TP63: variants seen among roughly 807,000 people sequenced by gnomAD.
TP63 encodes tumor protein p63, also known as tumor protein 63.
A neutral mutation model predicts 82.8 loss-of-function variants in TP63; 17 were observed. The ratio of observed to expected loss-of-function variants is 0.21; its 90% confidence interval spans 0.14 to 0.31. The LOEUF is 0.31. Ranked by LOEUF, TP63 falls within the 10% of genes least tolerant of loss-of-function variation. TP63 has a pLI of 1.00. For synonymous variants in TP63, 330 were observed against 321.7 expected (o/e 1.03, Z -0.28); for missense variants, 648 against 895.3 (o/e 0.72, Z 3.52).
At chr3:189,726,427 C>T (rs1391001086) in intron 1 of TP63, among the ~76,000 whole-genome samples, 2 of 152,146 alleles carry the variant, frequency 1.3e-5, no homozygotes, top group Admixed American at 6.5e-5. Flanking sequence ...CAATATGATA[C>T]ATAATTCATC....
rs1346387538 is a variant in TP63 at position 189,679,585 on chromosome 3, C to G, written c.62+48008C>G. ...TATTTTCACTCATTTCGTAGGTGAC[C>G]TCTTCATTCTGTTGATTGTTTTTTT... On this transcript the variant is annotated intron_variant, in intron 1 of 13. Transcript: ENST00000264731. Among the ~76,000 whole-genome samples, 3 of 151,970 alleles carry G rather than the reference C, an allele frequency of 2.0e-5. 1 individual carries two copies. The highest frequency in any genetic ancestry group is 4.1e-4 in the South Asian group (2 of 4,830).
chr3:189,620,247 G>A, the TP63 span, among the ~76,000 whole-genome samples: 2 of 145,880 alleles, frequency 1.4e-5, no homozygotes, highest in Non-Finnish European at 3.0e-5. Flanking sequence ...AGTGTGTGCC[G>A]GGCGTGGTGG....
chr3:189,676,544 G>T (rs147928702), intron 1 of TP63, among the ~76,000 whole-genome samples: 2 of 151,616 alleles, frequency 1.3e-5, no homozygotes, highest in Non-Finnish European at 2.9e-5. Context: ...AGAATATATC[G>T]TGTGTGTGTG....
chr3:189,816,853 G>GC (rs1728242172), intron 4 of TP63, among the ~76,000 whole-genome samples: 1 of 151,962 alleles, frequency 6.6e-6, no homozygotes, highest in Non-Finnish European at 1.5e-5. Context: ...TTATCATTAA[G>GC]CCCCCCACGT....
the TP63 span, among the ~76,000 whole-genome samples, chr3:189,603,449 C>A: frequency 6.6e-6 from 1 of 151,700 alleles, no homozygotes; most frequent in Non-Finnish European, 1.5e-5. Context: ...ATTACTAATT[C>A]TACTTAGTGT....
chr3:189,819,484 C>T (rs1261992926), intron 4 of TP63, among the ~76,000 whole-genome samples: 2 of 152,056 alleles, frequency 1.3e-5, no homozygotes, highest in African/African-American at 4.8e-5. Flanking sequence ...GTGATGTTCC[C>T]CTTCCTGTGT....
At chr3:189,819,493 G>A (rs1422943033) in intron 4 of TP63, among the ~76,000 whole-genome samples, 4 of 151,478 alleles carry the variant, frequency 2.6e-5, no homozygotes, top group African/African-American at 9.7e-5. Context: ...CCCTTCCTGT[G>A]TCCAGGTGTT....
chr3:189,754,689 A>T (rs1435810860), intron 3 of TP63, among the ~76,000 whole-genome samples: 1 of 152,162 alleles, frequency 6.6e-6, no homozygotes, highest in Non-Finnish European at 1.5e-5. Flanking sequence ...TCTAGGATTC[A>T]CAATGTCACT....
At chr3:189,778,258 T>C (rs1723971274) in intron 3 of TP63, among the ~76,000 whole-genome samples, 1 of 152,216 alleles carries the variant, frequency 6.6e-6, no homozygotes, top group Admixed American at 6.5e-5. Context: ...TCTACAGGTG[T>C]ATGTGGGAGA....
intron 1 of TP63, among the ~76,000 whole-genome samples, chr3:189,635,763 A>G (rs1729737781): frequency 6.6e-6 from 1 of 151,984 alleles, no homozygotes; most frequent in Non-Finnish European, 1.5e-5. Flanking sequence ...ACTTTCCTCA[A>G]TATCTTTTTT....
intron 1 of TP63, among the ~76,000 whole-genome samples, chr3:189,683,173 C>T (rs1441475326): frequency 3.3e-5 from 5 of 151,964 alleles, no homozygotes; most frequent in Non-Finnish European, 7.4e-5. Flanking sequence ...AAAGACATTG[C>T]CTAAAGGATT....
chr3:189,622,372 C>T, the TP63 span, among the ~76,000 whole-genome samples: 1 of 152,152 alleles, frequency 6.6e-6, no homozygotes, highest in Non-Finnish European at 1.5e-5. Context: ...TCATAAATGT[C>T]AGGGAAATGG....
At chr3:189,848,708 A>T (rs1045390461) in intron 4 of TP63, among the ~76,000 whole-genome samples, 14 of 152,182 alleles carry the variant, frequency 9.2e-5, no homozygotes, top group Non-Finnish European at 1.3e-4. Flanking sequence ...GAACTAAGGA[A>T]ATCTGAGTTC....
chr3:189,674,177 G>C (rs1715183007), intron 1 of TP63, among the ~76,000 whole-genome samples: 1 of 152,084 alleles, frequency 6.6e-6, no homozygotes, highest in Non-Finnish European at 1.5e-5. Context: ...CTTTGCAGAA[G>C]TGGCAAGTAG....
At position 189,691,263 on chromosome 3, in the gene TP63, C is replaced by T. The variant is rs920221134; in HGVS notation, c.63-46477C>T. ...CTGACACAGGAGAATCTCTTCAACC[C>T]GGGAGGTGGAGGTTACAGTGAGCTG... is the stretch of plus-strand genomic sequence containing the variant. On this transcript the variant is annotated intron_variant, in intron 1 of 13. Coordinates refer to ENST00000264731, the MANE Select transcript of TP63 (RefSeq NM_003722.5). Among the ~76,000 whole-genome samples, 12 of 140,894 alleles carry T rather than the reference C, an allele frequency of 8.5e-5. 1 individual carries two copies. The highest frequency in any genetic ancestry group is 6.9e-4 in the Admixed American group (9 of 13,104). The allele number at this position is 140,894 out of a possible 152,430, so 92.4% of individuals were successfully genotyped here. A position where few individuals can be genotyped will look rare whatever the true frequency, so the allele number is the denominator to read the frequency against.
At chr3:189,690,891 T>C (rs527318238) in intron 1 of TP63, among the ~76,000 whole-genome samples, 1 of 152,344 alleles carries the variant, frequency 6.6e-6, no homozygotes, top group Admixed American at 6.5e-5. Context: ...AGATGCTTTT[T>C]TGACTGGACT....
chr3:189,824,433 A>G (rs529785058), intron 4 of TP63, among the ~76,000 whole-genome samples: 4 of 151,958 alleles, frequency 2.6e-5, no homozygotes, highest in Admixed American at 6.5e-5. Context: ...GGGTTTCACC[A>G]TGTTGGCCAG....
intron 1 of TP63, among the ~76,000 whole-genome samples, chr3:189,664,016 T>C (rs993286783): frequency 6.6e-6 from 1 of 152,126 alleles, no homozygotes; most frequent in Admixed American, 6.6e-5. Flanking sequence ...TCCAAAACAT[T>C]TTAAATATCT....
intron 1 of TP63, among the ~76,000 whole-genome samples, chr3:189,647,002 G>A (rs1217098674): frequency 6.8e-6 from 1 of 147,122 alleles, no homozygotes; most frequent in African/African-American, 2.5e-5. Flanking sequence ...AAATGAAATC[G>A]TCAGGCTGGG....
Sources: gnomAD v4.1 joint callset for allele counts (sites outside exome capture counted in the v4.1 genomes callset) on GRCh38, gnomAD v4.1.1 for gene constraint, MANE v1.5 for transcripts, NCBI Gene and HGNC (gene_info 2026-07-23, HGNC 2026-07-21) for gene names.